OPN5: variants seen among roughly 807,000 people sequenced by gnomAD.
The protein encoded by OPN5 is opsin 5, also known as opsin-5.
In OPN5, 18 loss-of-function variants were observed where a neutral mutation model predicts 41.7. The ratio of observed to expected loss-of-function variants is 0.43; its 90% confidence interval spans 0.30 to 0.64. The LOEUF (loss-of-function observed/expected upper bound fraction) is 0.64, where lower values mean the gene tolerates loss of function less well. Ranked by LOEUF, OPN5 falls within the 30% of genes least tolerant of loss-of-function variation. The pLI is 0.13. For synonymous variants in OPN5, 178 were observed against 164.3 expected (o/e 1.08, Z -0.64); for missense variants, 318 against 434.5 (o/e 0.73, Z 2.38).
At chr6:47,786,696 A>C (rs942964015) in intron 2 of OPN5, 62 bp downstream of exon 2, 1 of 1,426,114 alleles carries the variant, frequency 7.0e-7, no homozygotes, top group Admixed American at 1.8e-5. Flanking sequence ...TAAAGTACTC[A>C]CTGTCTCAAA....
At position 47,787,136 on chromosome 6, in the gene OPN5, A is replaced by G. The variant is rs1179725364; in HGVS notation, c.250+502A>G. The G allele has an allele frequency of 5.1e-6, 5 of 982,662 alleles. No individual in the cohort carries two copies. In the African/African-American group the frequency reaches 8.7e-5, roughly 17 times the overall value. The allele number at this position is 982,662 out of a possible 1,614,324, so 60.9% of individuals were successfully genotyped here. On this transcript the variant is annotated intron_variant, in intron 2 of 6. Transcript: ENST00000371211. ...TGCCCTGCTGATGATATATGTAATC[A>G]TGACTTAGTGACATATCACAAGCAT...
chr6:47,790,117 A>C (rs9296583), intron 2 of OPN5, among the ~76,000 whole-genome samples: 40,292 of 151,962 alleles, frequency 0.27, 5,719 homozygotes, highest in African/African-American at 0.34. Context: ...ATAAGACATA[A>C]CTTAACAGAA....
At chr6:47,782,665 G>A (rs1356655085) in intron 1 of OPN5, among the ~76,000 whole-genome samples, 1 of 152,162 alleles carries the variant, frequency 6.6e-6, no homozygotes, top group African/African-American at 2.4e-5. Context: ...CTATAGTAAT[G>A]GCAGAAACAC....
chr6:47,786,496 T>G lies in OPN5; in HGVS notation c.131-19T>G, dbSNP rs368091991. ...GAAATCTTAGTTTTAACGATTGGAA[T>G]TTTTATTTTTCCTTGTAGGGATTCT... On this transcript the variant is annotated intron_variant, in intron 1 of 6. Coordinates refer to ENST00000371211, the Ensembl canonical transcript of OPN5. The G allele has an allele frequency of 1.9e-6, 3 of 1,596,500 alleles. No individual in the cohort carries two copies. Among genetic ancestry groups the G allele is most frequent in the Non-Finnish European group, 2.6e-6 (3 of 1,169,648 alleles).
chr6:47,815,728 C>T (rs1291282892), intron 6 of OPN5, among the ~76,000 whole-genome samples: 1 of 152,104 alleles, frequency 6.6e-6, no homozygotes, highest in African/African-American at 2.4e-5. Flanking sequence ...TGCCCTCACT[C>T]AGTACAGACT....
intron 4 of OPN5, 69 bp downstream of exon 4, chr6:47,795,632 G>A (rs779028442): frequency 1.8e-6 from 2 of 1,082,314 alleles, no homozygotes; most frequent in East Asian, 2.4e-5. Flanking sequence ...CAAAGGATAG[G>A]GAACGTTGGA....
At chr6:47,818,739 G>A (rs1041221686) in intron 6 of OPN5, among the ~76,000 whole-genome samples, 4 of 152,130 alleles carry the variant, frequency 2.6e-5, no homozygotes, top group Admixed American at 6.6e-5. Context: ...GAGATACCTC[G>A]GCAGGCATGG....
chr6:47,797,987 T>G (rs1773630853), intron 4 of OPN5, among the ~76,000 whole-genome samples: 2 of 152,134 alleles, frequency 1.3e-5, no homozygotes, highest in South Asian at 4.2e-4. Flanking sequence ...ACCATTTAAT[T>G]TGATTTGTTA....
chr6:47,791,035 A>G (rs571483838), intron 2 of OPN5, among the ~76,000 whole-genome samples: 43 of 152,260 alleles, frequency 2.8e-4, no homozygotes, highest in South Asian at 1.0e-3. Flanking sequence ...GGTGGAAGGA[A>G]ATCACTGTTT....
At chr6:47,816,028 T>A (rs1762419021) in intron 6 of OPN5, among the ~76,000 whole-genome samples, 1 of 152,166 alleles carries the variant, frequency 6.6e-6, no homozygotes, top group African/African-American at 2.4e-5. Flanking sequence ...AAAACATATG[T>A]GAGAGAAAAA....
Position 47,822,109 on chromosome 6 carries a change from CAAA to C in OPN5, c.1057-1857_1057-1855del, listed in dbSNP as rs11284494. The stretch of plus-strand genomic sequence containing the variant: ...CCTGGGTGACAGTGAGACTCTGTCT[CAAA>C]AAAAAAAAAAAAAAAATGCAGGTGA... On this transcript the variant is annotated intron_variant, in intron 6 of 6. Coordinates refer to ENST00000371211, the Ensembl canonical transcript of OPN5. Among the ~76,000 whole-genome samples the C allele has an allele frequency of 3.0e-3, 264 of 89,066 alleles. 2 individuals are homozygous for C. Among genetic ancestry groups the C allele is most frequent in the African/African-American group, 9.9e-3 (253 of 25,662 alleles). 58.4% of individuals were successfully genotyped at this position (89,066 alleles called of 152,430 possible).
At chr6:47,800,400 C>CT (rs1285483435) in intron 4 of OPN5, among the ~76,000 whole-genome samples, 1 of 152,194 alleles carries the variant, frequency 6.6e-6, no homozygotes, top group African/African-American at 2.4e-5. Flanking sequence ...TGAGCTGCGT[C>CT]TGCCCAGGTG....
intron 4 of OPN5, among the ~76,000 whole-genome samples, chr6:47,798,498 G>A (rs1000271561): frequency 5.9e-5 from 9 of 151,442 alleles, no homozygotes; most frequent in Non-Finnish European, 1.3e-4. Context: ...GTTAAATGAA[G>A]TGTAGGAATA....
intron 2 of OPN5, 108 bp from the exon 3 acceptor site, chr6:47,791,682 GGTGTGTGTGTGC>G: frequency 1.4e-6 from 1 of 719,818 alleles, no homozygotes; most frequent in Non-Finnish European, 2.4e-6. Flanking sequence ...TGTAATCAAG[GGTGTGTGTGTGC>G]GTTCACATGT....
intron 4 of OPN5, among the ~76,000 whole-genome samples, chr6:47,802,768 C>T (rs959924954): frequency 2.0e-5 from 3 of 152,156 alleles, no homozygotes; most frequent in Non-Finnish European, 2.9e-5. Flanking sequence ...AAGCCAGCCA[C>T]TGCCTAGTCA....
At chr6:47,809,570 T>G (rs143897735) in intron 5 of OPN5, among the ~76,000 whole-genome samples, 20 of 152,324 alleles carry the variant, frequency 1.3e-4, no homozygotes, top group African/African-American at 4.8e-4. Flanking sequence ...TTACAATAGC[T>G]CTATATCTTT....
chr6:47,788,780 A>G (rs1212082375), intron 2 of OPN5, among the ~76,000 whole-genome samples: 2 of 135,044 alleles, frequency 1.5e-5, no homozygotes, highest in South Asian at 2.9e-4. Context: ...CTCTTAGGAT[A>G]AAGTCGTGTT....
At position 47,823,009 on chromosome 6, in the gene OPN5, A is replaced by G. The variant is rs563335514; in HGVS notation, c.1057-974A>G. Among the ~76,000 whole-genome samples, 86 of 152,332 alleles carry G rather than the reference A, an allele frequency of 5.6e-4. 1 individual carries two copies. The highest frequency in any genetic ancestry group is 4.1e-3 in the South Asian group (20 of 4,830). On this transcript the variant is annotated intron_variant, in intron 6 of 6. Transcript: ENST00000371211. ...GCTCTGAGTAACACAAGAAAATAGC[A>G]TAAAATCCTGCTGTGATCTCAGCAA... is the stretch of plus-strand genomic sequence containing the variant.
chr6:47,811,431 A>C (rs1003729159), intron 5 of OPN5, among the ~76,000 whole-genome samples: 2 of 152,186 alleles, frequency 1.3e-5, no homozygotes, highest in Non-Finnish European at 2.9e-5. Context: ...CAGGAAACTC[A>C]TGATGGCATA....
Sources: gnomAD v4.1 joint callset for allele counts (sites outside exome capture counted in the v4.1 genomes callset) on GRCh38, gnomAD v4.1.1 for gene constraint, MANE v1.5 for transcripts, NCBI Gene and HGNC (gene_info 2026-07-23, HGNC 2026-07-21) for gene names.